KLHL1: variants seen among roughly 807,000 people sequenced by gnomAD.
KLHL1 encodes the protein kelch like family member 1.
In KLHL1, 47 loss-of-function variants were observed where a neutral mutation model predicts 77.7. The observed-to-expected ratio is 0.60, with a 90% CI of 0.48 to 0.77. The LOEUF is 0.77. Ranked by LOEUF, KLHL1 falls within the 30% of genes least tolerant of loss-of-function variation. The probability of loss-of-function intolerance (pLI) is 0.00; values close to 1 mark genes in which losing one functional copy is unlikely to be tolerated. For synonymous variants in KLHL1, 360 were observed against 325.2 expected (o/e 1.11, Z -1.15); for missense variants, 925 against 910.8 (o/e 1.02, Z -0.20).
chr13:69,712,055 G>A (rs1191839553), intron 9 of KLHL1, among the ~76,000 whole-genome samples: 2 of 151,848 alleles, frequency 1.3e-5, no homozygotes, highest in Admixed American at 1.3e-4. Flanking sequence ...CTTCTGCCTA[G>A]TTTTTCTGTT....
At chr13:69,719,183 C>CGTGTGTGTGTGTGTGTGTGTGT (rs761517378) in intron 9 of KLHL1, among the ~76,000 whole-genome samples, 186 bp downstream of exon 9, 2 of 103,804 alleles carry the variant, frequency 1.9e-5, no homozygotes, top group Admixed American at 1.1e-4. Context: ...AAAGAAAGTA[C>CGTGTGTGTGTGTGTGTGTGTGT]GTGTGTGTGT....
chr13:69,790,156 T>C (rs951290298), intron 7 of KLHL1, among the ~76,000 whole-genome samples: 3 of 152,196 alleles, frequency 2.0e-5, no homozygotes, highest in Non-Finnish European at 4.4e-5. Flanking sequence ...GTTGTACCCA[T>C]ATAAAAGCAA....
At chr13:69,776,463 A>C (rs1258066687) in intron 7 of KLHL1, among the ~76,000 whole-genome samples, 2 of 152,164 alleles carry the variant, frequency 1.3e-5, no homozygotes, top group Non-Finnish European at 2.9e-5. Flanking sequence ...TCATTTGTAA[A>C]ATTAAGATTC....
intron 7 of KLHL1, among the ~76,000 whole-genome samples, chr13:69,750,575 G>C (rs1874433419): frequency 6.6e-6 from 1 of 151,456 alleles, no homozygotes; most frequent in African/African-American, 2.4e-5. Flanking sequence ...AAATATATAA[G>C]CATATAATAT....
intron 1 of KLHL1, among the ~76,000 whole-genome samples, chr13:70,024,625 T>TCA (rs1885891058): frequency 2.1e-5 from 1 of 47,944 alleles, no homozygotes; most frequent in East Asian, 5.2e-4. Flanking sequence ...AAGATTTCTC[T>TCA]CTCTCTCTCT....
chr13:69,793,861 G>A (rs1876982333), intron 7 of KLHL1, among the ~76,000 whole-genome samples: 6 of 152,112 alleles, frequency 3.9e-5, no homozygotes, highest in Non-Finnish European at 8.8e-5. Context: ...TTAGAGCACT[G>A]CCTTGAGAAA....
intron 8 of KLHL1, among the ~76,000 whole-genome samples, chr13:69,722,702 C>A (rs993816179): frequency 6.6e-6 from 1 of 151,838 alleles, no homozygotes; most frequent in African/African-American, 2.4e-5. Flanking sequence ...TTGTTTATGG[C>A]AATGTAAATT....
At chr13:69,746,041 T>C (rs867841867) in intron 7 of KLHL1, among the ~76,000 whole-genome samples, 1 of 151,596 alleles carries the variant, frequency 6.6e-6, no homozygotes, top group African/African-American at 2.4e-5. Flanking sequence ...TTTATATATA[T>C]TACTGAAATG....
chr13:69,767,514 T>C (rs1875365451), intron 7 of KLHL1, among the ~76,000 whole-genome samples: 1 of 152,134 alleles, frequency 6.6e-6, no homozygotes, highest in Non-Finnish European at 1.5e-5. Context: ...CTGGGTAACA[T>C]ACCGAGAACC....
At chr13:69,951,229 T>G (rs1883697983) in intron 3 of KLHL1, among the ~76,000 whole-genome samples, 1 of 151,514 alleles carries the variant, frequency 6.6e-6, no homozygotes, top group Admixed American at 6.6e-5. Flanking sequence ...CCAGTATTTT[T>G]TGACTTACAA....
chr13:69,852,660 AAAGCCCAACAT>A (rs1219455757), intron 5 of KLHL1, among the ~76,000 whole-genome samples: 1 of 152,010 alleles, frequency 6.6e-6, no homozygotes, highest in Non-Finnish European at 1.5e-5. Flanking sequence ...TACTCTGATC[AAAGCCCAACAT>A]ACCTCTTTTG....
chr13:69,755,837 T>A (rs112615834), intron 7 of KLHL1, among the ~76,000 whole-genome samples: 1 of 151,926 alleles, frequency 6.6e-6, no homozygotes, highest in Non-Finnish European at 1.5e-5. Context: ...AAATGAAACA[T>A]GTGGGTAGTG....
At position 69,803,479 on chromosome 13, in the gene KLHL1, A is replaced by T. The variant is rs1353242698; in HGVS notation, c.1415-6517T>A. On this transcript the variant is annotated intron_variant, in intron 6 of 10. Transcript: ENST00000377844. ...TTAATATATGCAGTGGGTAGAATTT[A>T]AAAAATTTCCCTTCCTGAGATTACA... is the stretch of plus-strand genomic sequence containing the variant. Among the ~76,000 whole-genome samples, 5 of 152,202 alleles carry T rather than the reference A, an allele frequency of 3.3e-5. No homozygotes were observed. The South Asian group carries it at 8.3e-4, about 25-fold the overall frequency.
chr13:69,959,158 G>A (rs751570141), intron 3 of KLHL1, among the ~76,000 whole-genome samples: 2 of 152,008 alleles, frequency 1.3e-5, no homozygotes, highest in Non-Finnish European at 2.9e-5. Flanking sequence ...TACAAGCAGA[G>A]CCAAATCTGG....
intron 1 of KLHL1, among the ~76,000 whole-genome samples, chr13:70,012,509 T>G (rs976579353): frequency 6.6e-6 from 1 of 152,230 alleles, no homozygotes; most frequent in South Asian, 2.1e-4. Flanking sequence ...GGGGCTTGTT[T>G]GGCAGTCTTT....
intron 1 of KLHL1, among the ~76,000 whole-genome samples, chr13:70,031,015 A>G (rs6562606): frequency 0.31 from 46,865 of 152,106 alleles, 8,843 homozygotes; most frequent in South Asian, 0.44. Flanking sequence ...AAATTCCTGG[A>G]CACATACACC....
intron 4 of KLHL1, among the ~76,000 whole-genome samples, chr13:69,913,586 C>T (rs1464210273): frequency 6.6e-6 from 1 of 152,162 alleles, no homozygotes; most frequent in Non-Finnish European, 1.5e-5. Flanking sequence ...GATTACTTTT[C>T]ATATATTTTG....
At chr13:69,797,076 A>T (rs1030235843) in intron 6 of KLHL1, 114 bp from the exon 7 acceptor site, 7 of 819,680 alleles carry the variant, frequency 8.5e-6, no homozygotes, top group Admixed American at 2.6e-5. Flanking sequence ...CATTTTTTTT[A>T]AAAGAAAAAG....
chr13:69,926,515 A>G (rs778843913), intron 4 of KLHL1, among the ~76,000 whole-genome samples: 1 of 152,168 alleles, frequency 6.6e-6, no homozygotes, highest in Non-Finnish European at 1.5e-5. Context: ...TAAGATAGTA[A>G]TACTCTCTGA....
Sources: allele counts gnomAD v4.1 joint callset (sites outside exome capture counted in the v4.1 genomes callset), GRCh38; gene constraint gnomAD v4.1.1; transcripts MANE v1.5; gene names NCBI Gene and HGNC (gene_info 2026-07-23, HGNC 2026-07-21).